Variants in UMAD1 observed in about 807,000 individuals in gnomAD.
The protein encoded by UMAD1 is UBAP1-MVB12-associated (UMA)-domain containing protein 1.
Under a neutral mutation model 6.1 loss-of-function variants are expected in UMAD1, and 8 were observed. That is an observed-to-expected ratio of 1.30 (90% confidence interval 0.76 to 2.35). UMAD1 has a LOEUF of 2.35. Among genes scored for constraint, UMAD1 ranks in the 30% most tolerant of loss-of-function variants. The pLI is 0.00. For synonymous variants in UMAD1, 56 were observed against 31.4 expected (o/e 1.78, Z -2.61); for missense variants, 130 against 78.4 (o/e 1.66, Z -2.49).
chr7:7,841,795 C>G (rs567854587), intron 3 of UMAD1, among the ~76,000 whole-genome samples: 1 of 149,082 alleles, frequency 6.7e-6, no homozygotes, highest in African/African-American at 2.4e-5. Context: ...ATACATCTCT[C>G]TCTTTATATC....
intron 1 of UMAD1, among the ~76,000 whole-genome samples, chr7:7,652,237 C>G (rs1401604678): frequency 6.6e-6 from 1 of 152,148 alleles, no homozygotes; most frequent in African/African-American, 2.4e-5. Flanking sequence ...TTATTCATTC[C>G]TTTGATAGGA....
At chr7:7,872,882 T>A (rs1363399190) in intron 3 of UMAD1, among the ~76,000 whole-genome samples, 1 of 152,072 alleles carries the variant, frequency 6.6e-6, no homozygotes, top group Non-Finnish European at 1.5e-5. Context: ...CTAGGGAACA[T>A]TTACACATGA....
At chr7:7,734,061 C>T (rs550010810) in intron 2 of UMAD1, among the ~76,000 whole-genome samples, 20 of 152,154 alleles carry the variant, frequency 1.3e-4, no homozygotes, top group African/African-American at 3.9e-4. Flanking sequence ...TTCTCCCCCC[C>T]GCAACCAACC....
At position 7,649,351 on chromosome 7, in the gene UMAD1, G is replaced by A. The variant is rs564219491; in HGVS notation, c.-64+8530G>A. 3.0e-4 allele frequency among the ~76,000 whole-genome samples: 45 copies of A among 151,956 alleles called. No individual in the cohort carries two copies. The South Asian group carries it at 9.3e-3, about 32-fold the overall frequency. On this transcript the variant is annotated intron_variant, in intron 1 of 3. Coordinates refer to ENST00000682710, the MANE Select transcript of UMAD1 (RefSeq NM_001302348.2). ...GGGACTAACTAATGCTTTTTTTCAG[G>A]AAACTACTCCCCCAATAACTTAACC...
At chr7:7,712,457 T>C (rs2115171456) in intron 2 of UMAD1, among the ~76,000 whole-genome samples, 1 of 152,244 alleles carries the variant, frequency 6.6e-6, no homozygotes, top group South Asian at 2.1e-4. Context: ...GAGTGCTTTT[T>C]TGTTTTATTA....
chr7:7,655,814 G>T (rs954378466), intron 1 of UMAD1, among the ~76,000 whole-genome samples: 4 of 136,790 alleles, frequency 2.9e-5, no homozygotes, highest in African/African-American at 1.0e-4. Context: ...TATATATTTA[G>T]GACAGTCTCT....
Position 7,877,374 on chromosome 7 carries a change from G to C in UMAD1, c.250G>C (p.Glu84Gln), listed in dbSNP as rs768967798. 11 of 717,498 alleles carry C rather than the reference G, an allele frequency of 1.5e-5. No individual in the cohort carries two copies. Among genetic ancestry groups the C allele is most frequent in the Non-Finnish European group, 2.9e-5 (11 of 385,106 alleles). 44.4% of individuals were successfully genotyped at this position (717,498 alleles called of 1,614,324 possible). The change falls in exon 4 of 4, where the codon GAG becomes CAG. Residue 84 changes from glutamate (E) to glutamine (Q), a missense_variant. Physicochemically the swap from Glu to Gln is conservative, Grantham distance 29. Coordinates refer to ENST00000682710, the MANE Select transcript of UMAD1 (RefSeq NM_001302348.2). The stretch of plus-strand genomic sequence containing the variant: ...TCTGGAGAACAGCTCATTAATGGCC[G>C]AGCTCCTGAGCGATGTGCCGTTCAC... ...QTLENSSLMA[E>Q]LLSDVPFTLA...
At chr7:7,646,842 C>T (rs549578334) in intron 1 of UMAD1, among the ~76,000 whole-genome samples, 1 of 152,224 alleles carries the variant, frequency 6.6e-6, no homozygotes, top group African/African-American at 2.4e-5. Context: ...CTCTTCTGCT[C>T]ATGGAGCCTG....
At chr7:7,713,775 A>G (rs1780824077) in intron 2 of UMAD1, among the ~76,000 whole-genome samples, 1 of 152,010 alleles carries the variant, frequency 6.6e-6, no homozygotes, top group Non-Finnish European at 1.5e-5. Flanking sequence ...TCCAAATTTT[A>G]ATTTGTATTA....
intron 2 of UMAD1, among the ~76,000 whole-genome samples, chr7:7,775,018 C>T (rs531387245): frequency 9.2e-5 from 14 of 152,266 alleles, no homozygotes; most frequent in East Asian, 1.9e-4. Context: ...TCTCCTCTAC[C>T]GGTCCTTCCT....
intron 3 of UMAD1, among the ~76,000 whole-genome samples, chr7:7,831,504 C>T (rs1166496550): frequency 5.9e-5 from 9 of 152,126 alleles, no homozygotes; most frequent in Non-Finnish European, 1.3e-4. Context: ...AAATCACAGG[C>T]CACTTTTTAC....
intron 2 of UMAD1, among the ~76,000 whole-genome samples, chr7:7,766,533 G>T (rs906509824): frequency 2.0e-5 from 3 of 152,136 alleles, no homozygotes; most frequent in African/African-American, 7.2e-5. Flanking sequence ...ACTGCTTCTT[G>T]TTGAATTTCT....
At chr7:7,755,938 T>C (rs1320563467) in intron 2 of UMAD1, among the ~76,000 whole-genome samples, 1 of 152,230 alleles carries the variant, frequency 6.6e-6, no homozygotes, top group African/African-American at 2.4e-5. Flanking sequence ...ATATATGGAC[T>C]GACACACACT....
intron 2 of UMAD1, among the ~76,000 whole-genome samples, chr7:7,777,420 C>T (rs1052733728): frequency 1.3e-5 from 2 of 150,008 alleles, no homozygotes; most frequent in Non-Finnish European, 1.5e-5. Flanking sequence ...GCAGGAGAAT[C>T]GCCTGAACCC....
intron 2 of UMAD1, chr7:7,687,237 C>T (rs1286223984): frequency 6.6e-6 from 1 of 152,166 alleles, no homozygotes; most frequent in Non-Finnish European, 1.5e-5. Context: ...CCATTTCAGC[C>T]TCATTTTCCT....
intron 2 of UMAD1, among the ~76,000 whole-genome samples, chr7:7,791,108 G>A (rs967098408): frequency 1.2e-4 from 18 of 152,258 alleles, no homozygotes; most frequent in Admixed American, 2.0e-4. Context: ...GGCTGGTCTC[G>A]AACTCCCCAC....
chr7:7,860,604 CAAAAAAA>C (rs373823869), intron 3 of UMAD1, among the ~76,000 whole-genome samples: 3 of 93,862 alleles, frequency 3.2e-5, no homozygotes, highest in Non-Finnish European at 4.1e-5. Context: ...ACTAAAAATA[CAAAAAAA>C]AAAAAAAAAA....
intron 2 of UMAD1, among the ~76,000 whole-genome samples, chr7:7,737,737 A>G (rs552825972): frequency 6.6e-6 from 1 of 152,144 alleles, no homozygotes; most frequent in Non-Finnish European, 1.5e-5. Context: ...TTACCTACCT[A>G]AGTTTTTGCT....
At chr7:7,828,560 C>A (rs1257319442) in intron 3 of UMAD1, among the ~76,000 whole-genome samples, 1 of 152,230 alleles carries the variant, frequency 6.6e-6, no homozygotes, top group African/African-American at 2.4e-5. Context: ...GGGACCCCAT[C>A]CCTGCTGACT....
Sources: allele counts gnomAD v4.1 joint callset (sites outside exome capture counted in the v4.1 genomes callset), GRCh38; gene constraint gnomAD v4.1.1; transcripts MANE v1.5; gene names NCBI Gene and HGNC (gene_info 2026-07-23, HGNC 2026-07-21).